ANAPC4: variants seen among roughly 807,000 people sequenced by gnomAD.
ANAPC4 encodes anaphase-promoting complex subunit 4.
Under a neutral mutation model 119.8 loss-of-function variants are expected in ANAPC4, and 63 were observed. The observed-to-expected ratio is 0.53, with a 90% confidence interval of 0.43 to 0.65. The LOEUF is 0.65. Ranked by LOEUF, ANAPC4 falls within the 30% of genes least tolerant of loss-of-function variation. ANAPC4 has a pLI of 0.00. For missense variants in ANAPC4, 716 were observed against 945.1 expected, an observed-to-expected ratio of 0.76 and a Z score of 3.18; for synonymous variants, 283 against 318.6, an observed-to-expected ratio of 0.89 and a Z score of 1.19.
chr4:25,416,379 G>T, intron 26 of ANAPC4, 46 bp from the exon 27 acceptor site: 1 of 1,314,858 alleles, frequency 7.6e-7, no homozygotes, highest in Non-Finnish European at 1.0e-6. Flanking sequence ...TATTTTCTCA[G>T]TAGTCACGAT....
In ANAPC4 at chr4:25,418,217, C is replaced by G; in HGVS notation, c.2262C>G (p.Leu754=). The G allele has an allele frequency of 6.2e-7, 1 of 1,613,974 alleles. No individual in the cohort carries two copies. The highest frequency in any genetic ancestry group is 8.5e-7 in the Non-Finnish European group (1 of 1,179,950). ...FEMDIDDEWE[L]DESSDEEEEA... ...TGGACATAGATGATGAATGGGAGCT[C>G]GATGAGTCTTCAGATGAAGAGGAGG... Residue 754 remains leucine, a synonymous_variant, in exon 29 of 29, where the codon CTC becomes CTG. Transcript: ENST00000315368.
intron 21 of ANAPC4, 141 bp downstream of exon 21, chr4:25,409,932 A>C: frequency 1.7e-6 from 1 of 601,676 alleles, no homozygotes; most frequent in Non-Finnish European, 3.0e-6. Flanking sequence ...TGATTATAGG[A>C]ACAGCAAAAT....
chr4:25,398,341 A>G (rs994896848), intron 16 of ANAPC4, among the ~76,000 whole-genome samples: 3 of 152,194 alleles, frequency 2.0e-5, no homozygotes, highest in Non-Finnish European at 2.9e-5. Context: ...TCAACTTTAT[A>G]TAGGTGGTCA....
intron 16 of ANAPC4, among the ~76,000 whole-genome samples, chr4:25,399,111 T>G (rs1722814256): frequency 6.6e-6 from 1 of 152,154 alleles, no homozygotes; most frequent in African/African-American, 2.4e-5. Context: ...TAATTTATCT[T>G]TTCTGAAACA....
At chr4:25,380,283 C>T (rs1721638856) in intron 2 of ANAPC4, 91 bp from the exon 3 acceptor site, 1 of 863,014 alleles carries the variant, frequency 1.2e-6, no homozygotes, top group Admixed American at 2.6e-5. Context: ...GAGAGATGGT[C>T]ATTTAAAAAA....
Position 25,406,844 on chromosome 4 carries a change from AT to A in ANAPC4, c.1334del (p.Ile445ThrfsTer35). ...PELNKMTQKD[I>X]TFVAEFLTEH... ...TTGTTGATAGATGACTCAGAAAGATATCACATTTGTTGCTGAATTTCTTACT... is the reference window on the plus strand; with the variant it reads ...TTGTTGATAGATGACTCAGAAAGATACACATTTGTTGCTGAATTTCTTACT... On this transcript the variant is annotated frameshift_variant, in exon 19 of 29. Transcript: ENST00000315368. LOFTEE classifies it high-confidence loss of function. 1 of 1,604,550 alleles carries A rather than the reference AT, an allele frequency of 6.2e-7. No homozygotes were observed. Among genetic ancestry groups the A allele is most frequent in the Non-Finnish European group, 8.5e-7 (1 of 1,176,256 alleles).
chr4:25,414,273 C>A, intron 22 of ANAPC4, 51 bp from the exon 23 acceptor site: 1 of 1,265,000 alleles, frequency 7.9e-7, no homozygotes, highest in Non-Finnish European at 1.1e-6. Context: ...TGTAGAGTAT[C>A]TGTGTGCATA....
intron 3 of ANAPC4, 30 bp downstream of exon 3, chr4:25,380,509 T>C (rs763250888): frequency 1.3e-6 from 2 of 1,525,352 alleles, no homozygotes; most frequent in Non-Finnish European, 1.8e-6. Context: ...AAAAATATGT[T>C]TTTATTTTCA....
chr4:25,410,696 G>A (rs1227359384), intron 21 of ANAPC4, among the ~76,000 whole-genome samples: 1 of 152,100 alleles, frequency 6.6e-6, no homozygotes, highest in Non-Finnish European at 1.5e-5. Context: ...AAAACTTTTT[G>A]AGCACCGACA....
chr4:25,393,337 G>A (rs1016532844), intron 10 of ANAPC4, among the ~76,000 whole-genome samples: 4 of 152,166 alleles, frequency 2.6e-5, no homozygotes, highest in African/African-American at 9.7e-5. Context: ...TGACCAAGCT[G>A]TTGTCTTTTT....
intron 14 of ANAPC4, 145 bp downstream of exon 14, chr4:25,395,050 C>T (rs562668056): frequency 8.2e-6 from 5 of 611,028 alleles, no homozygotes; most frequent in Non-Finnish European, 1.1e-5. Context: ...GAAGAATCTT[C>T]CTATACCCAA....
rs755671577 is a variant in ANAPC4, at chr4:25,414,320, A to G, written c.1624-4A>G. On this transcript the variant is annotated splice_polypyrimidine_tract_variant and splice_region_variant and intron_variant, in intron 22 of 28. Transcript: ENST00000315368. ...ATTATATTTTAAAATCTTATTTTATATAGGATGTAATTGGAAAATCGATGA... is the reference window on the plus strand; with the variant it reads ...ATTATATTTTAAAATCTTATTTTATGTAGGATGTAATTGGAAAATCGATGA... 3.3e-6 allele frequency: 5 copies of G among 1,535,930 alleles called. No individual in the cohort carries two copies. The highest frequency in any genetic ancestry group is 3.6e-6 in the Non-Finnish European group (4 of 1,117,710).
At chr4:25,413,781 A>C (rs1216308791) in intron 22 of ANAPC4, 39 bp downstream of exon 22, 1 of 1,483,606 alleles carries the variant, frequency 6.7e-7, no homozygotes, top group Non-Finnish European at 9.4e-7. Context: ...TGTAGGAGCA[A>C]TAGTGTCTAC....
chr4:25,379,616 A>T (rs912628667), intron 2 of ANAPC4, among the ~76,000 whole-genome samples: 2 of 152,224 alleles, frequency 1.3e-5, no homozygotes, highest in African/African-American at 4.8e-5. Flanking sequence ...TATTAATTTC[A>T]TGATGACACC....
chr4:25,397,023 C>G, intron 16 of ANAPC4, 124 bp downstream of exon 16: 1 of 963,360 alleles, frequency 1.0e-6, no homozygotes, highest in Non-Finnish European at 1.5e-6. Flanking sequence ...ACAATTATGC[C>G]TTTATATGGT....
intron 4 of ANAPC4, among the ~76,000 whole-genome samples, chr4:25,384,799 C>CAA (rs149002549): frequency 3.5e-4 from 50 of 141,468 alleles, no homozygotes; most frequent in East Asian, 6.5e-4. Flanking sequence ...TGACCTGTCT[C>CAA]AAAAAAAAAA....
chr4:25,402,964 T>C lies in ANAPC4; in HGVS notation c.1215-7T>C. The C allele has an allele frequency of 6.5e-7, 1 of 1,544,936 alleles. No individual in the cohort carries two copies. The highest frequency in any genetic ancestry group is 8.9e-7 in the Non-Finnish European group (1 of 1,129,408). ...TTATTTCTGATTTTTTGTTTTTATC[T>C]CTTTAGAGTTATAGATAGTAGTATG... On this transcript the variant is annotated splice_polypyrimidine_tract_variant and splice_region_variant and intron_variant, in intron 16 of 28. Coordinates refer to ENST00000315368, the MANE Select transcript of ANAPC4 (RefSeq NM_013367.3).
intron 14 of ANAPC4, among the ~76,000 whole-genome samples, chr4:25,396,346 A>G (rs1307955429): frequency 6.6e-6 from 1 of 152,218 alleles, no homozygotes; most frequent in Non-Finnish European, 1.5e-5. Flanking sequence ...CTTAAGAAAT[A>G]TTTATTGAAC....
chr4:25,392,671 T>C (rs1291530311), intron 10 of ANAPC4, among the ~76,000 whole-genome samples: 2 of 143,042 alleles, frequency 1.4e-5, no homozygotes, highest in Non-Finnish European at 3.2e-5. Flanking sequence ...AAATACCATT[T>C]ACATTATAAA....
Sources: allele counts gnomAD v4.1 joint callset (sites outside exome capture counted in the v4.1 genomes callset), GRCh38; gene constraint gnomAD v4.1.1; transcripts MANE v1.5; gene names NCBI Gene and HGNC (gene_info 2026-07-23, HGNC 2026-07-21).